The following DZANK1 variants were observed in gnomAD, a reference collection of about 807,000 sequenced individuals.
DZANK1 encodes double zinc ribbon and ankyrin repeat domains 1.
In DZANK1, 91 loss-of-function variants were observed where a neutral mutation model predicts 94.5. The ratio of observed to expected loss-of-function variants is 0.96; its 90% CI spans 0.81 to 1.15. The LOEUF (loss-of-function observed/expected upper bound fraction) is 1.15, where lower values mean the gene tolerates loss of function less well. DZANK1 is among the 50% of genes most tolerant of loss of function. DZANK1 has a pLI of 0.00. For missense variants in DZANK1, 903 were observed against 916.4 expected (o/e 0.99, Z 0.19); for synonymous variants, 312 against 325.3 (o/e 0.96, Z 0.44).
intron 13 of DZANK1, among the ~76,000 whole-genome samples, chr20:18,408,319 A>AAAAC (rs929327335): frequency 9.8e-5 from 15 of 152,368 alleles, no homozygotes; most frequent in East Asian, 7.7e-4. Context: ...CCGTCTCAAA[A>AAAAC]AAACAAACAA....
intron 2 of DZANK1, among the ~76,000 whole-genome samples, chr20:18,463,052 C>T (rs1220036727): frequency 6.6e-6 from 1 of 151,816 alleles, no homozygotes; most frequent in Non-Finnish European, 1.5e-5. Context: ...CAAAAGGACA[C>T]ATGTACCCAT....
chr20:18,386,325 T>C (rs974561088), intron 19 of DZANK1, among the ~76,000 whole-genome samples: 9 of 152,170 alleles, frequency 5.9e-5, no homozygotes, highest in Admixed American at 2.0e-4. Context: ...TTACCAGTCA[T>C]GTAGCCCAAA....
intron 8 of DZANK1, among the ~76,000 whole-genome samples, chr20:18,434,545 C>CAAAAAAA (rs55680576): frequency 2.1e-5 from 1 of 47,558 alleles, no homozygotes; most frequent in African/African-American, 8.3e-5. Flanking sequence ...GACTCCTGCT[C>CAAAAAAA]AAAAAAAAAA....
chr20:18,435,763 TA>T (rs527816359), intron 8 of DZANK1, among the ~76,000 whole-genome samples: 438 of 138,514 alleles, frequency 3.2e-3, no homozygotes, highest in Non-Finnish European at 4.4e-3. Flanking sequence ...AAAGTATAAT[TA>T]AAAAAAAAAA....
At position 18,417,274 on chromosome 20, in the gene DZANK1, G is replaced by C. The variant is rs183241301; in HGVS notation, c.955-1825C>G. On this transcript the variant is annotated intron_variant, in intron 10 of 20. Coordinates refer to ENST00000262547, the Ensembl canonical transcript of DZANK1. ...TAGTTTTGTTGATAGATGAGACCCA[G>C]AAACAGTTACATCACTGACAGTTAA... 1.9e-4 allele frequency among the ~76,000 whole-genome samples: 29 copies of C among 152,320 alleles called. No homozygotes were observed. In the East Asian group the frequency reaches 5.6e-3, roughly 29 times the overall value.
rs147194455 is a variant in DZANK1, at chr20:18,446,714, G to A, written c.629+2270C>T. Among the ~76,000 whole-genome samples, 538 of 152,172 alleles carry A rather than the reference G, an allele frequency of 3.5e-3. 1 individual carries two copies. The highest frequency in any genetic ancestry group is 6.8e-3 in the Middle Eastern group (2 of 294). On this transcript the variant is annotated intron_variant, in intron 7 of 20. Coordinates refer to ENST00000262547, the Ensembl canonical transcript of DZANK1. Reference sequence around the variant, plus strand: ...TTCCTGAAAAAAAATCTTCCTGAAGGAAAACTCCAGATCTAATCATTTCAC... The same window carrying A: ...TTCCTGAAAAAAAATCTTCCTGAAGAAAAACTCCAGATCTAATCATTTCAC...
chr20:18,421,405 T>C (rs1271125206), intron 10 of DZANK1: 1 of 153,184 alleles, frequency 6.5e-6, no homozygotes, highest in East Asian at 1.9e-4. Flanking sequence ...AACCACAAAG[T>C]GGTATTTAGT....
At chr20:18,389,376 G>A (rs541364038) in intron 19 of DZANK1, among the ~76,000 whole-genome samples, 27 of 152,120 alleles carry the variant, frequency 1.8e-4, no homozygotes, top group Non-Finnish European at 3.4e-4. Context: ...GTGTTTTCAC[G>A]ATTCATGATG....
At chr20:18,442,278 T>C (rs1371793741) in intron 8 of DZANK1, among the ~76,000 whole-genome samples, 2 of 152,196 alleles carry the variant, frequency 1.3e-5, no homozygotes, top group East Asian at 3.9e-4. Context: ...GAAAATAATT[T>C]TGGTATCGCA....
chr20:18,391,333 C>T (rs2055973628), intron 17 of DZANK1, among the ~76,000 whole-genome samples: 1 of 152,048 alleles, frequency 6.6e-6, no homozygotes, highest in Non-Finnish European at 1.5e-5. Context: ...TCATAGGTTT[C>T]AGCAATTCTC....
intron 19 of DZANK1, among the ~76,000 whole-genome samples, chr20:18,388,612 T>A (rs1354020210): frequency 6.6e-6 from 1 of 152,308 alleles, no homozygotes; most frequent in East Asian, 1.9e-4. Context: ...ATTTTATTAA[T>A]AATGACAATA....
chr20:18,457,256 C>G (rs537871354), intron 3 of DZANK1, among the ~76,000 whole-genome samples: 6 of 152,304 alleles, frequency 3.9e-5, no homozygotes, highest in African/African-American at 1.4e-4. Flanking sequence ...AGGCGAATCA[C>G]TTGAGGCCAG....
intron 13 of DZANK1, among the ~76,000 whole-genome samples, chr20:18,409,590 C>CAAT (rs2057138885): frequency 8.1e-6 from 1 of 123,710 alleles, no homozygotes; most frequent in East Asian, 2.1e-4. Flanking sequence ...ACACCACCAC[C>CAAT]ACCACCATCA....
intron 10 of DZANK1, among the ~76,000 whole-genome samples, chr20:18,423,915 TAAATA>T (rs1346189455): frequency 4.6e-5 from 3 of 64,834 alleles, no homozygotes; most frequent in African/African-American, 1.2e-4. Flanking sequence ...GAAAAGAGAA[TAAATA>T]AAGAGCAAAA....
intron 10 of DZANK1, among the ~76,000 whole-genome samples, chr20:18,425,550 C>CA (rs1375707023): frequency 0.015 from 1,582 of 105,104 alleles, 20 homozygotes; most frequent in African/African-American, 0.038. Flanking sequence ...GACTCCATCT[C>CA]AAAAAAAAAA....
At chr20:18,429,086 T>A (rs1445906844) in intron 9 of DZANK1, among the ~76,000 whole-genome samples, 2 of 152,038 alleles carry the variant, frequency 1.3e-5, no homozygotes, top group Non-Finnish European at 2.9e-5. Flanking sequence ...CATTTATCTA[T>A]GAGATTTAGG....
intron 7 of DZANK1, among the ~76,000 whole-genome samples, chr20:18,448,181 T>TA (rs2148718372): frequency 6.6e-6 from 1 of 152,316 alleles, no homozygotes; most frequent in Non-Finnish European, 1.5e-5. Context: ...GGTATATCCA[T>TA]ACAATGGACT....
chr20:18,394,397 G>T lies in DZANK1; in HGVS notation c.1612-47C>A, dbSNP rs185496140. ...ACACCATGAATGATGAGGCTGCTTT[G>T]TCCCACTAGAAAGAAGGATCTCCCT... is the stretch of plus-strand genomic sequence containing the variant. On this transcript the variant is annotated intron_variant, in intron 15 of 20. Coordinates refer to ENST00000262547, the Ensembl canonical transcript of DZANK1. 110 of 1,560,828 alleles carry T rather than the reference G, an allele frequency of 7.0e-5. No individual in the cohort carries two copies. In the East Asian group the frequency reaches 2.2e-3, roughly 32 times the overall value.
At chr20:18,384,801 T>C (rs1395007191) in intron 20 of DZANK1, among the ~76,000 whole-genome samples, 2 of 152,154 alleles carry the variant, frequency 1.3e-5, no homozygotes, top group South Asian at 2.1e-4. Context: ...TTGGTTCCCA[T>C]TGCATTAAAG....
Sources: allele counts gnomAD v4.1 joint callset (sites outside exome capture counted in the v4.1 genomes callset), GRCh38; gene constraint gnomAD v4.1.1; transcripts MANE v1.5; gene names NCBI Gene and HGNC (gene_info 2026-07-23, HGNC 2026-07-21).